The following TRAK1 variants were observed in gnomAD, a reference collection of about 807,000 sequenced individuals.
The protein encoded by TRAK1 is trafficking kinesin-binding protein 1.
A neutral mutation model predicts 92.1 loss-of-function variants in TRAK1; 33 were observed. The ratio of observed to expected loss-of-function variants is 0.36; its 90% CI spans 0.27 to 0.48. The LOEUF is 0.48. Among genes scored for constraint, TRAK1 ranks in the 20% least tolerant of loss-of-function variants. The pLI, the probability that TRAK1 is intolerant of heterozygous loss-of-function variation, is 0.99. For synonymous variants in TRAK1, 521 were observed against 517.3 expected (o/e 1.01, Z -0.10); for missense variants, 1,123 against 1,257.9 (o/e 0.89, Z 1.62).
intron 3 of TRAK1, among the ~76,000 whole-genome samples, chr3:42,181,641 A>T (rs1197164492): frequency 6.6e-6 from 1 of 152,258 alleles, no homozygotes; most frequent in African/African-American, 2.4e-5. Context: ...CCAGGTAGTC[A>T]GGTAGTGAGC....
intron 2 of TRAK1, among the ~76,000 whole-genome samples, chr3:42,140,711 AG>A (rs1698537211): frequency 1.3e-5 from 2 of 152,236 alleles, no homozygotes; most frequent in South Asian, 4.1e-4. Flanking sequence ...AGCAAGTGGA[AG>A]GAAGTCCTGC....
At chr3:42,115,087 ACAAATT>A (rs1709000590) in intron 1 of TRAK1, among the ~76,000 whole-genome samples, 1 of 152,212 alleles carries the variant, frequency 6.6e-6, no homozygotes, top group Non-Finnish European at 1.5e-5. Flanking sequence ...TCCTAGCAAA[ACAAATT>A]CAAATCGACA....
At chr3:42,212,495 G>A (rs1010715278) in intron 14 of TRAK1, 4 of 985,006 alleles carry the variant, frequency 4.1e-6, no homozygotes, top group Non-Finnish European at 4.8e-6. Context: ...TTTGATTAAT[G>A]TATTTAAATG....
chr3:42,127,276 C>T (rs531243227), intron 2 of TRAK1, among the ~76,000 whole-genome samples: 3 of 151,968 alleles, frequency 2.0e-5, no homozygotes, highest in Admixed American at 6.6e-5. Context: ...CCTTAGGAGA[C>T]CCTCTTGTGA....
At chr3:42,121,214 G>GGTC (rs1387157430) in intron 1 of TRAK1, among the ~76,000 whole-genome samples, 1 of 152,030 alleles carries the variant, frequency 6.6e-6, no homozygotes, top group Non-Finnish European at 1.5e-5. Flanking sequence ...GTGAGACAAT[G>GGTC]GTCTGGCTTG....
intron 13 of TRAK1, chr3:42,203,033 T>G: frequency 8.0e-7 from 1 of 1,243,686 alleles, no homozygotes; most frequent in Non-Finnish European, 1.0e-6. Flanking sequence ...TCCTTTGCCT[T>G]TAGAACCTTA....
chr3:42,197,037 C>CGT (rs1706812445), intron 10 of TRAK1, among the ~76,000 whole-genome samples: 1 of 145,878 alleles, frequency 6.9e-6, no homozygotes, highest in Non-Finnish European at 1.5e-5. Flanking sequence ...CACACACACA[C>CGT]ACGTTGTTAT....
intron 1 of TRAK1, among the ~76,000 whole-genome samples, chr3:42,025,765 G>C (rs915487814): frequency 1.3e-5 from 2 of 152,094 alleles, no homozygotes; most frequent in Non-Finnish European, 2.9e-5. Flanking sequence ...CAGTCACGTG[G>C]GTGGTGAGCT....
intron 1 of TRAK1, among the ~76,000 whole-genome samples, chr3:42,026,451 GTTGT>G (rs1176685991): frequency 6.6e-6 from 1 of 151,576 alleles, no homozygotes; most frequent in Non-Finnish European, 1.5e-5. Flanking sequence ...CAATTTGTGT[GTTGT>G]TTGTTTGGCT....
chr3:42,180,402 G>A (rs916266692), intron 3 of TRAK1, among the ~76,000 whole-genome samples: 9 of 152,178 alleles, frequency 5.9e-5, no homozygotes, highest in African/African-American at 1.7e-4. Context: ...GGAGGCTGAG[G>A]TGGGAGGATT....
At chr3:42,112,439 G>GA (rs1469669537) in intron 1 of TRAK1, among the ~76,000 whole-genome samples, 3 of 144,800 alleles carry the variant, frequency 2.1e-5, no homozygotes, top group Non-Finnish European at 4.6e-5. Flanking sequence ...AAAAAAAAAG[G>GA]AAACAATTAA....
chr3:42,059,514 T>G (rs1051430001), intron 1 of TRAK1, among the ~76,000 whole-genome samples: 1 of 152,206 alleles, frequency 6.6e-6, no homozygotes, highest in African/African-American at 2.4e-5. Context: ...GTGGCCTGTT[T>G]CTCCCTGTGC....
intron 13 of TRAK1, among the ~76,000 whole-genome samples, chr3:42,207,803 T>G (rs1708501752): frequency 6.6e-6 from 1 of 152,170 alleles, no homozygotes; most frequent in African/African-American, 2.4e-5. Context: ...GTCCACAGCT[T>G]CCTTCAGATT....
chr3:42,033,978 G>C (rs1338312256), intron 1 of TRAK1, among the ~76,000 whole-genome samples: 1 of 152,144 alleles, frequency 6.6e-6, no homozygotes, highest in African/African-American at 2.4e-5. Flanking sequence ...TCTCCACCCT[G>C]CTTCACCCAC....
intron 1 of TRAK1, among the ~76,000 whole-genome samples, chr3:42,030,748 T>A (rs1702110183): frequency 4.4e-5 from 6 of 136,292 alleles, no homozygotes; most frequent in African/African-American, 6.2e-5. Flanking sequence ...ATATGTAACT[T>A]GTTGGTCAGG....
At position 42,202,457 on chromosome 3, in the gene TRAK1, G is replaced by A; in HGVS notation, c.1449G>A (p.Lys483=). 1 of 1,486,352 alleles carries A rather than the reference G, an allele frequency of 6.7e-7. No individual in the cohort carries two copies. The highest frequency in any genetic ancestry group is 9.0e-7 in the Non-Finnish European group (1 of 1,115,004). The allele number at this position is 1,486,352 out of a possible 1,614,324, so 92.1% of individuals were successfully genotyped here. ...ADLGNDERSK[K]PGTPGTPGSH... ...CCAGAAACGATGAGCGGAGTAAGAA[G>A]CCGGGGACGCCGGGCACCCCAGGCT... The change falls in exon 13 of 16, where the codon AAG becomes AAA. Residue 483 remains lysine (K), a synonymous_variant. Transcript: ENST00000327628. This position sits in a 1 kb window ranked among gnomAD's most constrained non-coding sequence, Gnocchi z 6.1.
chr3:42,080,941 C>T (rs986785603), intron 1 of TRAK1, among the ~76,000 whole-genome samples: 6 of 152,152 alleles, frequency 3.9e-5, no homozygotes, highest in Non-Finnish European at 7.4e-5. Flanking sequence ...GTGGCACAAT[C>T]ATGGCTCTCT....
Position 42,201,043 on chromosome 3 carries a change from A to G in TRAK1, c.1416A>G (p.Ala472=). 1 of 1,614,212 alleles carries G rather than the reference A, an allele frequency of 6.2e-7. No homozygotes were observed. Among genetic ancestry groups the G allele is most frequent in the Non-Finnish European group, 8.5e-7 (1 of 1,180,032 alleles). Residue 472 remains alanine (A), a synonymous_variant, in exon 12 of 16, where the codon GCA becomes GCG. Coordinates refer to ENST00000327628, the MANE Select transcript of TRAK1 (RefSeq NM_001042646.3). The part of the protein sequence containing the change: ...KTNSIILETE[A]ADLGNDERSK... ...ACAGCATCATTCTGGAAACAGAGGC[A>G]GCCGACCTGGGGTGAGCAAGCTGGG... is the stretch of plus-strand genomic sequence containing the variant.
At chr3:42,117,450 T>C (rs1709309196) in intron 1 of TRAK1, among the ~76,000 whole-genome samples, 1 of 152,000 alleles carries the variant, frequency 6.6e-6, no homozygotes. Context: ...CTCTCCTCCT[T>C]TGCTTTTGCT....
Sources: allele counts gnomAD v4.1 joint callset (sites outside exome capture counted in the v4.1 genomes callset), GRCh38; gene constraint gnomAD v4.1.1; non-coding constraint Gnocchi (gnomAD v3.1); transcripts MANE v1.5; gene names NCBI Gene and HGNC (gene_info 2026-07-23, HGNC 2026-07-21).